Variants in MAN1C1 observed in about 807,000 individuals in gnomAD.
MAN1C1 encodes mannosyl-oligosaccharide 1,2-alpha-mannosidase IC.
MAN1C1 carries 49 observed loss-of-function variants against 71.5 expected under a neutral mutation model. The observed-to-expected ratio is 0.69, with a 90% CI of 0.54 to 0.87. The LOEUF is 0.87. Ranked by LOEUF, MAN1C1 falls within the 40% of genes least tolerant of loss-of-function variation. The pLI is 0.00. For missense variants in MAN1C1, 743 were observed against 835.0 expected, an observed-to-expected ratio of 0.89 and a Z score of 1.36; for synonymous variants, 352 against 343.7, an observed-to-expected ratio of 1.02 and a Z score of -0.27.
In MAN1C1 at chr1:25,775,442, A is replaced by G. The variant is rs1259813723; in HGVS notation, c.1258-2663A>G. On this transcript the variant is annotated intron_variant, in intron 8 of 11. Transcript: ENST00000374332. The surrounding 1 kb of genome is among the most constrained non-coding windows in gnomAD (Gnocchi z 5.1). ...GCCCTGACAGGAGAGAAAAAAGGAA[A>G]AAACAGACCCAGGAGTGAGCGAGTG... is the stretch of plus-strand genomic sequence containing the variant. Among the ~76,000 whole-genome samples the G allele has an allele frequency of 6.6e-6, 1 of 152,228 alleles. No individual in the cohort carries two copies. The highest frequency in any genetic ancestry group is 1.5e-5 in the Non-Finnish European group (1 of 68,040).
At chr1:25,723,782 A>C (rs546808712) in intron 2 of MAN1C1, among the ~76,000 whole-genome samples, 1 of 152,300 alleles carries the variant, frequency 6.6e-6, no homozygotes, top group African/African-American at 2.4e-5. Context: ...GGGTTTTTGC[A>C]TAAAGATTTA....
At chr1:25,694,758 CAGAT>C (rs1323544555) in intron 2 of MAN1C1, among the ~76,000 whole-genome samples, 4 of 152,302 alleles carry the variant, frequency 2.6e-5, no homozygotes, top group Non-Finnish European at 5.9e-5. Flanking sequence ...CAGATGTTGC[CAGAT>C]AGATAGTTTG....
At chr1:25,726,616 G>T (rs1047257919) in intron 2 of MAN1C1, among the ~76,000 whole-genome samples, 1 of 152,146 alleles carries the variant, frequency 6.6e-6, no homozygotes, top group East Asian at 1.9e-4. Flanking sequence ...GAGAGCACAA[G>T]TACAGTAGGC....
In MAN1C1 at chr1:25,693,918, G is replaced by T. The variant is rs114679546; in HGVS notation, c.637+7382G>T. Among the ~76,000 whole-genome samples, 1,481 of 152,204 alleles carry T rather than the reference G, an allele frequency of 9.7e-3. 27 individuals carry two copies. The highest frequency in any genetic ancestry group is 0.032 in the African/African-American group (1,317 of 41,520). On this transcript the variant is annotated intron_variant, in intron 2 of 11. Transcript: ENST00000374332. ...CTGTAAGGATTAAAGAAAGTTGATGGGTGTAAAACACCTGGTGTATAGTAC... is the reference window on the plus strand; with the variant it reads ...CTGTAAGGATTAAAGAAAGTTGATGTGTGTAAAACACCTGGTGTATAGTAC...
At chr1:25,693,535 G>A (rs2046333433) in intron 2 of MAN1C1, among the ~76,000 whole-genome samples, 1 of 152,188 alleles carries the variant, frequency 6.6e-6, no homozygotes, top group Non-Finnish European at 1.5e-5. Flanking sequence ...GGAGGCTGAG[G>A]CAGGAGAATT....
chr1:25,625,285 G>A (rs911460549), intron 1 of MAN1C1, among the ~76,000 whole-genome samples: 6 of 152,118 alleles, frequency 3.9e-5, no homozygotes, highest in African/African-American at 1.4e-4. Context: ...GATTACAGGT[G>A]TGAGCCGCAC....
intron 1 of MAN1C1, among the ~76,000 whole-genome samples, chr1:25,669,772 A>G (rs1254546108): frequency 6.6e-6 from 1 of 152,136 alleles, no homozygotes; most frequent in Non-Finnish European, 1.5e-5. Context: ...ATGACAGAGC[A>G]AGACTCTGTC....
chr1:25,777,960 C>T (rs2047640376), intron 8 of MAN1C1, 145 bp from the exon 9 acceptor site: 2 of 627,858 alleles, frequency 3.2e-6, no homozygotes, highest in East Asian at 5.8e-5. Context: ...CAGCAGAGAT[C>T]AATGGGCCTC....
At chr1:25,745,189 C>T (rs1438005927) in intron 2 of MAN1C1, among the ~76,000 whole-genome samples, 1 of 152,228 alleles carries the variant, frequency 6.6e-6, no homozygotes, top group African/African-American at 2.4e-5. Flanking sequence ...TCATTTTGCA[C>T]TTATCTCAGC....
At chr1:25,678,093 A>G (rs2046095239) in intron 1 of MAN1C1, among the ~76,000 whole-genome samples, 2 of 152,166 alleles carry the variant, frequency 1.3e-5, no homozygotes, top group Non-Finnish European at 2.9e-5. Context: ...TCTATCAGAC[A>G]TAACCGCTGT....
rs2046544700 is a variant in MAN1C1 at position 25,707,811 on chromosome 1, GAAAC to G, written c.637+21279_637+21282del. On this transcript the variant is annotated intron_variant, in intron 2 of 11. Transcript: ENST00000374332. Reference sequence around the variant, plus strand: ...GCAAACAGTTAAGATGCAGGCGTGGGAAACAAATATTGGGAGTAGAAAGGAAGGG... The same window carrying G: ...GCAAACAGTTAAGATGCAGGCGTGGGAAATATTGGGAGTAGAAAGGAAGGG... Among the ~76,000 whole-genome samples the G allele has an allele frequency of 7.9e-5, 12 of 152,322 alleles. No individual in the cohort carries two copies. The South Asian group carries it at 2.5e-3, about 32-fold the overall frequency.
chr1:25,775,507 G>C lies in MAN1C1; in HGVS notation c.1258-2598G>C, dbSNP rs866745634. Among the ~76,000 whole-genome samples, 1 of 152,254 alleles carries C rather than the reference G, an allele frequency of 6.6e-6. No individual in the cohort carries two copies. The highest frequency in any genetic ancestry group is 1.5e-5 in the Non-Finnish European group (1 of 68,046). On this transcript the variant is annotated intron_variant, in intron 8 of 11. Transcript: ENST00000374332. This position sits in a 1 kb window ranked among gnomAD's most constrained non-coding sequence, Gnocchi z 5.1. ...TCTGTGTGTCGGGCACTGGCTGGAG[G>C]CTGCTGCTGGTGGCTTCTGCTGTCA...
intron 1 of MAN1C1, among the ~76,000 whole-genome samples, chr1:25,649,618 C>T (rs1323821714): frequency 6.6e-6 from 1 of 152,178 alleles, no homozygotes; most frequent in Non-Finnish European, 1.5e-5. Context: ...TGCCTTTCCC[C>T]AGTTTTGGGG....
rs2047737944 is a variant in MAN1C1, at chr1:25,784,289, T to C, written c.*500T>C. The C allele has an allele frequency of 6.5e-6, 1 of 153,480 alleles. No homozygotes were observed. Among genetic ancestry groups the C allele is most frequent in the Non-Finnish European group, 1.5e-5 (1 of 68,894 alleles). The allele number at this position is 153,480 out of a possible 1,614,324, so 9.5% of individuals were successfully genotyped here. On this transcript the variant is annotated 3_prime_UTR_variant, in exon 12 of 12. Transcript: ENST00000374332. ...CGTTATCTATATTTTAAATGCTTTTTGCCCAACACTGACCCTATGTTCAAC... is the reference window on the plus strand; with the variant it reads ...CGTTATCTATATTTTAAATGCTTTTCGCCCAACACTGACCCTATGTTCAAC...
rs1213787887 is a variant in MAN1C1 at position 25,763,856 on chromosome 1, G to T, written c.1048-18G>T. The T allele has an allele frequency of 6.2e-7, 1 of 1,609,650 alleles. No individual in the cohort carries two copies. Among genetic ancestry groups the T allele is most frequent in the Non-Finnish European group, 8.5e-7 (1 of 1,176,348 alleles). ...CTTCGGAAGCATGAAGGCTCACCTG[G>T]TGTCCGTCTCTCGGCAGGTCAGGAA... On this transcript the variant is annotated intron_variant, in intron 6 of 11. Coordinates refer to ENST00000374332, the MANE Select transcript of MAN1C1 (RefSeq NM_020379.4).
At chr1:25,763,672 A>G (rs2124377677) in intron 6 of MAN1C1, 1 of 575,726 alleles carries the variant, frequency 1.7e-6, no homozygotes, top group Middle Eastern at 2.7e-4. Flanking sequence ...AGGCCCTGTC[A>G]CACCCTTCAC....
rs143976343 is a variant in MAN1C1, at chr1:25,749,296, C to T, written c.795C>T (p.Ile265=). ...ASLFEVNIRY[I]GGLLSAFYLT... ...TGTTTGAGGTGAACATCCGCTACAT[C>T]GGGGGACTCCTCTCAGCCTTCTACC... is the stretch of plus-strand genomic sequence containing the variant. Residue 265 remains isoleucine (I), a synonymous_variant, in exon 4 of 12, where the codon ATC becomes ATT. Coordinates refer to ENST00000374332, the MANE Select transcript of MAN1C1 (RefSeq NM_020379.4). 400 of 1,612,406 alleles carry T rather than the reference C, an allele frequency of 2.5e-4. 3 individuals are homozygous for T. Among genetic ancestry groups the T allele is most frequent in the Admixed American group, 2.2e-3 (132 of 59,910 alleles).
chr1:25,752,367 A>G (rs1219273913), intron 4 of MAN1C1, among the ~76,000 whole-genome samples: 2 of 152,080 alleles, frequency 1.3e-5, no homozygotes, highest in African/African-American at 2.4e-5. Context: ...GGGTTTCACC[A>G]TGTTGGCCAG....
intron 1 of MAN1C1, among the ~76,000 whole-genome samples, chr1:25,673,842 G>A (rs907472446): frequency 6.6e-6 from 1 of 152,226 alleles, no homozygotes; most frequent in African/African-American, 2.4e-5. Context: ...CCCCTACCCT[G>A]CCTAACTCAC....
Sources: allele counts gnomAD v4.1 joint callset (sites outside exome capture counted in the v4.1 genomes callset), GRCh38; gene constraint gnomAD v4.1.1; non-coding constraint Gnocchi (gnomAD v3.1); transcripts MANE v1.5; gene names NCBI Gene and HGNC (gene_info 2026-07-23, HGNC 2026-07-21).